RDX: variants seen among roughly 807,000 people sequenced by gnomAD.
RDX encodes the protein deafness, autosomal recessive 24.
In RDX, 32 loss-of-function variants were observed where a neutral mutation model predicts 83.7. The ratio of observed to expected loss-of-function variants is 0.38; its 90% CI spans 0.29 to 0.51. The LOEUF (loss-of-function observed/expected upper bound fraction) is 0.51, where lower values mean the gene tolerates loss of function less well. RDX is among the 20% of genes least tolerant of loss of function. The pLI is 0.87. For synonymous variants in RDX, 229 were observed against 222.7 expected, an observed-to-expected ratio of 1.03 and a Z score of -0.25; for missense variants, 600 against 689.9, an observed-to-expected ratio of 0.87 and a Z score of 1.46.
chr11:110,294,934 AG>A lies in RDX; in HGVS notation c.-65+1532del, dbSNP rs556616022. ...CTGTCTCATTTAAATAAAACTGTAA[AG>A]AATGCCAATGTCTATTCATTCCTTG... On this transcript the variant is annotated intron_variant, in intron 1 of 13. Transcript: ENST00000645495. Among the ~76,000 whole-genome samples, 64 of 152,346 alleles carry A rather than the reference AG, an allele frequency of 4.2e-4. 1 individual carries two copies. The South Asian group carries it at 0.012, about 30-fold the overall frequency.
chr11:110,179,884 CTTTT>C, intron 15 of RDX: 2 of 421,828 alleles, frequency 4.7e-6, no homozygotes, highest in South Asian at 3.5e-5. Flanking sequence ...TGTTCTTTTT[CTTTT>C]TCTTTTTCTT....
At chr11:110,275,672 T>C (rs564107142) in intron 2 of RDX, among the ~76,000 whole-genome samples, 3 of 152,248 alleles carry the variant, frequency 2.0e-5, no homozygotes, top group East Asian at 3.9e-4. Context: ...TCCCATATTG[T>C]GGTTCGTCAT....
chr11:110,239,131 A>T lies in RDX; in HGVS notation c.1091-1479T>A, dbSNP rs954021396. Among the ~76,000 whole-genome samples the T allele has an allele frequency of 8.8e-5, 13 of 148,322 alleles. No individual in the cohort carries two copies. The Admixed American group carries it at 8.8e-4, about 10-fold the overall frequency. On this transcript the variant is annotated intron_variant, in intron 10 of 13. Transcript: ENST00000645495. Reference sequence around the variant, plus strand: ...TCATCTCTTCTTAAAAACTAAAATTAAAAAAAAAAATCAGTAGCTATTTAT... The same window carrying T: ...TCATCTCTTCTTAAAAACTAAAATTTAAAAAAAAAATCAGTAGCTATTTAT...
chr11:110,207,316 T>C (rs1054875799), intron 14 of RDX, among the ~76,000 whole-genome samples: 2 of 152,164 alleles, frequency 1.3e-5, no homozygotes, highest in African/African-American at 4.8e-5. Context: ...CTACTGAATG[T>C]GAAACCTGAG....
chr11:110,189,998 G>T (rs747082152), intron 15 of RDX, among the ~76,000 whole-genome samples: 2 of 151,840 alleles, frequency 1.3e-5, no homozygotes, highest in African/African-American at 4.8e-5. Flanking sequence ...CAGGAGAATC[G>T]CTTGAACCCA....
intron 10 of RDX, among the ~76,000 whole-genome samples, chr11:110,244,542 T>C (rs1404745448): frequency 1.3e-5 from 2 of 152,078 alleles, no homozygotes; most frequent in Non-Finnish European, 2.9e-5. Flanking sequence ...TTCGTGGTTG[T>C]CTACAGCAGA....
At chr11:110,287,775 C>T (rs1861048319) in intron 1 of RDX, among the ~76,000 whole-genome samples, 2 of 152,206 alleles carry the variant, frequency 1.3e-5, no homozygotes, top group Non-Finnish European at 2.9e-5. Context: ...CTGCCCAAGA[C>T]AGGTGTTACA....
chr11:110,267,027 C>T (rs1038037924), intron 3 of RDX, among the ~76,000 whole-genome samples: 6 of 151,962 alleles, frequency 3.9e-5, no homozygotes, highest in Admixed American at 3.3e-4. Flanking sequence ...CTCAGCCTCC[C>T]GAGTAGCTCG....
At position 110,273,785 on chromosome 11, in the gene RDX, G is replaced by A. The variant is rs572997918; in HGVS notation, c.13-1166C>T. On this transcript the variant is annotated intron_variant, in intron 2 of 13. Coordinates refer to ENST00000645495, the MANE Select transcript of RDX (RefSeq NM_002906.4). Reference sequence around the variant, plus strand: ...TTAATTTTCCCACACTTCATTTGCTGTTTCTGTATCGATTTTCTAACAATC... The same window carrying A: ...TTAATTTTCCCACACTTCATTTGCTATTTCTGTATCGATTTTCTAACAATC... Among the ~76,000 whole-genome samples, 4 of 152,166 alleles carry A rather than the reference G, an allele frequency of 2.6e-5. No homozygotes were observed. In the South Asian group the frequency reaches 8.3e-4, roughly 32 times the overall value.
At chr11:110,245,533 T>G (rs1172777067) in intron 10 of RDX, among the ~76,000 whole-genome samples, 1 of 152,196 alleles carries the variant, frequency 6.6e-6, no homozygotes, top group African/African-American at 2.4e-5. Context: ...AATTAAGATG[T>G]TAAAATGACT....
At chr11:110,239,464 T>C (rs1864995133) in intron 10 of RDX, among the ~76,000 whole-genome samples, 4 of 152,022 alleles carry the variant, frequency 2.6e-5, no homozygotes, top group Non-Finnish European at 4.4e-5. Flanking sequence ...CCAGAATATA[T>C]AAAGAGCTCA....
intron 14 of RDX, among the ~76,000 whole-genome samples, chr11:110,221,778 G>A (rs973421669): frequency 6.6e-6 from 1 of 152,122 alleles, no homozygotes; most frequent in Non-Finnish European, 1.5e-5. Context: ...GTTGAACTAA[G>A]TGGCCTCTCA....
intron 3 of RDX, among the ~76,000 whole-genome samples, chr11:110,266,250 G>A (rs530463051): frequency 8.7e-4 from 132 of 151,968 alleles, no homozygotes; most frequent in Non-Finnish European, 1.3e-3. Context: ...GGAGAATGGC[G>A]TGAACCCGGG....
intron 14 of RDX, among the ~76,000 whole-genome samples, chr11:110,209,373 GT>G (rs1339617884): frequency 2.6e-5 from 4 of 151,668 alleles, no homozygotes; most frequent in Non-Finnish European, 4.4e-5. Flanking sequence ...TAGCATAGCA[GT>G]CTGAGATCAA....
chr11:110,266,341 A>G (rs1246001452), intron 3 of RDX, among the ~76,000 whole-genome samples: 1 of 152,138 alleles, frequency 6.6e-6, no homozygotes, highest in Non-Finnish European at 1.5e-5. Context: ...TCAAAAAAAA[A>G]AAGAAAATAA....
chr11:110,209,746 A>C (rs1488779599), intron 14 of RDX, among the ~76,000 whole-genome samples: 39 of 145,004 alleles, frequency 2.7e-4, no homozygotes, highest in Admixed American at 6.2e-4. Context: ...CTCACACAGC[A>C]GGGTACTCCA....
At chr11:110,254,565 T>C (rs1859467887) in intron 8 of RDX, among the ~76,000 whole-genome samples, 1 of 151,676 alleles carries the variant, frequency 6.6e-6, no homozygotes, top group Admixed American at 6.6e-5. Flanking sequence ...AACCTCTGCC[T>C]CCCGGGTTCA....
At chr11:110,176,726 C>T (rs1486242338) in intron 15 of RDX, among the ~76,000 whole-genome samples, 3 of 152,246 alleles carry the variant, frequency 2.0e-5, no homozygotes, top group Non-Finnish European at 4.4e-5. Flanking sequence ...GATTGAGCAA[C>T]GCCAGGCTCT....
chr11:110,183,814 TTTCCCCAGAG>T (rs1188417765), intron 15 of RDX, among the ~76,000 whole-genome samples: 1 of 152,186 alleles, frequency 6.6e-6, no homozygotes, highest in African/African-American at 2.4e-5. Context: ...CCATGATTGT[TTTCCCCAGAG>T]TTGCAATTCA....
Sources: gnomAD v4.1 joint callset for allele counts (sites outside exome capture counted in the v4.1 genomes callset) on GRCh38, gnomAD v4.1.1 for gene constraint, MANE v1.5 for transcripts, NCBI Gene and HGNC (gene_info 2026-07-23, HGNC 2026-07-21) for gene names.